PEX14: variants seen among roughly 807,000 people sequenced by gnomAD.
PEX14 encodes the protein peroxisomal biogenesis factor 14.
In PEX14, 15 loss-of-function variants were observed where a neutral mutation model predicts 49.5. The ratio of observed to expected loss-of-function variants is 0.30; its 90% CI spans 0.20 to 0.47. PEX14 has a LOEUF of 0.47. Ranked by LOEUF, PEX14 falls within the 20% of genes least tolerant of loss-of-function variation. The probability of loss-of-function intolerance (pLI) is 1.00; values close to 1 mark genes in which losing one functional copy is unlikely to be tolerated. For missense variants in PEX14, 398 were observed against 494.8 expected, an observed-to-expected ratio of 0.80 and a Z score of 1.86; for synonymous variants, 210 against 212.7, an observed-to-expected ratio of 0.99 and a Z score of 0.11.
At position 10,624,377 on chromosome 1, in the gene PEX14, G is replaced by A. The variant is rs775657358; in HGVS notation, c.525G>A (p.Glu175=). The change falls in exon 7 of 9, where the codon GAG becomes GAA. Residue 175 remains glutamate (E), a synonymous_variant. Coordinates refer to ENST00000356607, the MANE Select transcript of PEX14 (RefSeq NM_004565.3). ...AGACGACCCTCGCCTCCGTCCAGGA[G>A]CTGCTGATTCAGCAGCAGCAGAAGA... ...QLQTTLASVQ[E]LLIQQQQKIQ... 1.2e-6 allele frequency: 2 copies of A among 1,613,518 alleles called. No homozygotes were observed. The highest frequency in any genetic ancestry group is 1.7e-5 in the Admixed American group (1 of 60,032).
chr1:10,596,729 C>T (rs1039209289), intron 3 of PEX14, among the ~76,000 whole-genome samples: 87 of 152,172 alleles, frequency 5.7e-4, no homozygotes, highest in African/African-American at 1.9e-3. Context: ...AATGGCCCGG[C>T]TCTGAATGTG....
intron 2 of PEX14, among the ~76,000 whole-genome samples, chr1:10,526,478 C>T (rs886232384): frequency 4.6e-5 from 7 of 152,130 alleles, no homozygotes; most frequent in African/African-American, 1.7e-4. Context: ...CTTGGCCTCC[C>T]AAAGTGCAAT....
In PEX14 at chr1:10,548,019, C is replaced by T. The variant is rs35893005; in HGVS notation, c.169+11722C>T. On this transcript the variant is annotated intron_variant, in intron 3 of 8. Transcript: ENST00000356607. ...TCACCTGAGGTCAGGAGTTCGTGAC[C>T]GGTCTGGTCAACATGGTGAAACCCT... Among the ~76,000 whole-genome samples the T allele has an allele frequency of 3.8e-3, 583 of 152,112 alleles. 3 individuals carry two copies. Among genetic ancestry groups the T allele is most frequent in the Non-Finnish European group, 6.8e-3 (465 of 68,008 alleles).
At chr1:10,502,097 C>T (rs1455896082) in intron 2 of PEX14, among the ~76,000 whole-genome samples, 1 of 152,180 alleles carries the variant, frequency 6.6e-6, no homozygotes, top group Admixed American at 6.5e-5. Flanking sequence ...TCATGATTAT[C>T]AGATCCAGCA....
chr1:10,590,481 A>G (rs553072526), intron 3 of PEX14, among the ~76,000 whole-genome samples: 12 of 152,138 alleles, frequency 7.9e-5, no homozygotes, highest in Non-Finnish European at 1.5e-4. Flanking sequence ...ATATTATTCT[A>G]TATACTATAC....
At chr1:10,518,148 TA>T (rs984258638) in intron 2 of PEX14, among the ~76,000 whole-genome samples, 5 of 151,186 alleles carry the variant, frequency 3.3e-5, no homozygotes, top group African/African-American at 7.3e-5. Flanking sequence ...CTCCTCTCCT[TA>T]AAAAAAAAGT....
At position 10,494,091 on chromosome 1, in the gene PEX14, C is replaced by T. The variant is rs1339806556; in HGVS notation, c.37-1183C>T. ...CCCTCACTTTCTAGATCGTTTCCTGCTGGCTGACCTCTTGTCCTGGGGTGG... is the reference window on the plus strand; with the variant it reads ...CCCTCACTTTCTAGATCGTTTCCTGTTGGCTGACCTCTTGTCCTGGGGTGG... On this transcript the variant is annotated intron_variant, in intron 1 of 8. Transcript: ENST00000356607. The surrounding 1 kb of genome is among the most constrained non-coding windows in gnomAD (Gnocchi z 4.3). 6.6e-6 allele frequency among the ~76,000 whole-genome samples: 1 copy of T among 152,190 alleles called. No homozygotes were observed. The highest frequency in any genetic ancestry group is 1.5e-5 in the Non-Finnish European group (1 of 68,040).
chr1:10,616,364 C>G (rs1015403141), intron 4 of PEX14, among the ~76,000 whole-genome samples: 1 of 152,202 alleles, frequency 6.6e-6, no homozygotes, highest in Non-Finnish European at 1.5e-5. Context: ...CCTCTGAAAA[C>G]TTACAGGCAC....
intron 3 of PEX14, among the ~76,000 whole-genome samples, chr1:10,584,745 AAG>A (rs1266929005): frequency 6.6e-6 from 1 of 152,216 alleles, no homozygotes; most frequent in East Asian, 1.9e-4. Context: ...GGCAAACAAA[AAG>A]AGAAAATTCA....
intron 4 of PEX14, among the ~76,000 whole-genome samples, chr1:10,617,295 C>T (rs891834173): frequency 1.3e-5 from 2 of 152,206 alleles, no homozygotes; most frequent in Non-Finnish European, 2.9e-5. Context: ...GCAGGCTCGC[C>T]CCAGCTCTTC....
chr1:10,618,430 C>G lies in PEX14; in HGVS notation c.384+13C>G. The stretch of plus-strand genomic sequence containing the variant: ...CCAGCTCTACAAGGTGAGTCACCCC[C>G]AGCGGCTGCAGGTGCTGTGCCCCTG... On this transcript the variant is annotated intron_variant, in intron 5 of 8. Coordinates refer to ENST00000356607, the MANE Select transcript of PEX14 (RefSeq NM_004565.3). The G allele has an allele frequency of 6.2e-7, 1 of 1,600,700 alleles. No homozygotes were observed. The highest frequency in any genetic ancestry group is 8.6e-7 in the Non-Finnish European group (1 of 1,168,820).
chr1:10,582,064 C>T (rs888325425), intron 3 of PEX14, among the ~76,000 whole-genome samples: 1 of 151,886 alleles, frequency 6.6e-6, no homozygotes, highest in African/African-American at 2.4e-5. Flanking sequence ...GTAAACTTGT[C>T]TCTAGTTCAT....
chr1:10,505,472 C>G (rs78543152), intron 2 of PEX14, among the ~76,000 whole-genome samples: 1 of 152,100 alleles, frequency 6.6e-6, no homozygotes, highest in African/African-American at 2.4e-5. Flanking sequence ...TTTTTCCCCC[C>G]CTTTACCATA....
chr1:10,590,369 G>A (rs1640627692), intron 3 of PEX14, among the ~76,000 whole-genome samples: 2 of 152,234 alleles, frequency 1.3e-5, no homozygotes, highest in Admixed American at 1.3e-4. Context: ...GTTATTTTGA[G>A]TGAGGGGTGG....
At chr1:10,576,813 G>A (rs1640128773) in intron 3 of PEX14, among the ~76,000 whole-genome samples, 1 of 149,490 alleles carries the variant, frequency 6.7e-6, no homozygotes, top group South Asian at 2.1e-4. Context: ...GCTGGAGTGC[G>A]TGGCGCGATC....
chr1:10,537,254 T>C (rs1356639733), intron 3 of PEX14, among the ~76,000 whole-genome samples: 1 of 150,340 alleles, frequency 6.7e-6, no homozygotes, highest in Non-Finnish European at 1.5e-5. Context: ...CACAGGCAGC[T>C]GCTTCGCGGC....
At chr1:10,475,042 C>A in intron 1 of PEX14, 40 bp downstream of exon 1, 1 of 1,584,904 alleles carries the variant, frequency 6.3e-7, no homozygotes, top group East Asian at 2.3e-5. Flanking sequence ...GGCGGAGACC[C>A]CGGCTGGAGG....
At chr1:10,489,577 T>G (rs1199224330) in intron 1 of PEX14, among the ~76,000 whole-genome samples, 3 of 152,200 alleles carry the variant, frequency 2.0e-5, no homozygotes, top group East Asian at 1.9e-4. Flanking sequence ...GCTCCTAGCT[T>G]CTTCTTCACT....
intron 3 of PEX14, among the ~76,000 whole-genome samples, chr1:10,540,847 A>G (rs1431745684): frequency 1.3e-5 from 2 of 152,144 alleles, no homozygotes; most frequent in East Asian, 1.9e-4. Context: ...TGGAAGGAAT[A>G]CAATTGGCTC....
Sources: allele counts gnomAD v4.1 joint callset (sites outside exome capture counted in the v4.1 genomes callset), GRCh38; gene constraint gnomAD v4.1.1; non-coding constraint Gnocchi (gnomAD v3.1); transcripts MANE v1.5; gene names NCBI Gene and HGNC (gene_info 2026-07-23, HGNC 2026-07-21).